Variants in PPP1R21 observed in about 807,000 individuals in gnomAD.
PPP1R21 encodes protein phosphatase 1 regulatory subunit 21.
PPP1R21 carries 85 observed loss-of-function variants against 112.8 expected under a neutral mutation model. The observed-to-expected ratio is 0.75, with a 90% CI of 0.63 to 0.90. The LOEUF is 0.90. Ranked by LOEUF, PPP1R21 falls within the 40% of genes least tolerant of loss-of-function variation. The pLI, the probability that PPP1R21 is intolerant of heterozygous loss-of-function variation, is 0.00. For synonymous variants in PPP1R21, 381 were observed against 322.3 expected, an observed-to-expected ratio of 1.18 and a Z score of -1.95; for missense variants, 1,199 against 901.5, an observed-to-expected ratio of 1.33 and a Z score of -4.23.
chr2:48,511,459 G>A lies in PPP1R21; in HGVS notation c.2304G>A (p.Met768Ile), dbSNP rs764792687. The change falls in exon 21 of 22, where the codon ATG (methionine) becomes ATA (isoleucine). Residue 768 changes from methionine (M) to isoleucine (I), a missense_variant. By Grantham distance (10) the Met-to-Ile change is conservative. Transcript: ENST00000294952. Reference protein sequence around the residue: ...KQREEIDTLKMSSKGNSKKNK... With the variant: ...KQREEIDTLKISSKGNSKKNK... ...GAGAAGAGATTGACACACTAAAGAT[G>A]TCCAGTAAGGTATGTGAGGTGAGGT... The A allele has an allele frequency of 2.5e-5, 40 of 1,613,392 alleles. No individual in the cohort carries two copies. Among genetic ancestry groups the A allele is most frequent in the Middle Eastern group, 1.6e-4 (1 of 6,084 alleles).
At chr2:48,461,271 G>T (rs1553337522) in intron 7 of PPP1R21, 39 bp downstream of exon 7, 1 of 1,493,198 alleles carries the variant, frequency 6.7e-7, no homozygotes, top group Admixed American at 2.7e-5. Flanking sequence ...TTGTAACTTT[G>T]AATCTCTCTG....
At chr2:48,475,436 T>A (rs1486862440) in intron 12 of PPP1R21, among the ~76,000 whole-genome samples, 1 of 152,208 alleles carries the variant, frequency 6.6e-6, no homozygotes, top group Non-Finnish European at 1.5e-5. Flanking sequence ...CCTTCCTTCC[T>A]GTTTTTTGTA....
intron 19 of PPP1R21, among the ~76,000 whole-genome samples, chr2:48,508,555 G>A (rs1172147080): frequency 6.6e-6 from 1 of 152,192 alleles, no homozygotes; most frequent in Admixed American, 6.5e-5. Context: ...GAAAGGGGGA[G>A]GACAGCAAAC....
chr2:48,467,844 A>C (rs139833606), intron 9 of PPP1R21, among the ~76,000 whole-genome samples: 23 of 152,346 alleles, frequency 1.5e-4, no homozygotes, highest in Non-Finnish European at 3.1e-4. Context: ...GCTGACTCTC[A>C]CAGGGTGGAA....
intron 3 of PPP1R21, 97 bp downstream of exon 3, chr2:48,454,838 A>G (rs1667649349): frequency 3.2e-6 from 3 of 944,750 alleles, no homozygotes; most frequent in African/African-American, 3.3e-5. Context: ...CTGCCGAATT[A>G]TTTTTTTCTT....
intron 12 of PPP1R21, among the ~76,000 whole-genome samples, chr2:48,476,727 T>C (rs1668771462): frequency 1.3e-5 from 2 of 152,230 alleles, no homozygotes; most frequent in Admixed American, 1.3e-4. Context: ...AATGTACTTA[T>C]TGGCCATTTG....
At chr2:48,491,532 G>A (rs1669562686) in intron 15 of PPP1R21, among the ~76,000 whole-genome samples, 1 of 69,768 alleles carries the variant, frequency 1.4e-5, no homozygotes, top group Non-Finnish European at 3.0e-5. Context: ...AGAATATGCA[G>A]TTGTTGCAAA....
chr2:48,468,332 C>T (rs1214744815), intron 9 of PPP1R21, among the ~76,000 whole-genome samples: 2 of 152,120 alleles, frequency 1.3e-5, no homozygotes, highest in African/African-American at 4.8e-5. Flanking sequence ...TCATTAGGTG[C>T]TTGGCTTTCA....
Position 48,448,281 on chromosome 2 carries a change from A to AT in PPP1R21, c.58-2719dup, listed in dbSNP as rs1026719442. ...AAATATTTTGCAAAGGAAAATCCTA[A>AT]TTTTTTTTGTTATAATCAGTTATAT... On this transcript the variant is annotated intron_variant, in intron 1 of 21. Coordinates refer to ENST00000294952, the MANE Select transcript of PPP1R21 (RefSeq NM_001135629.3). Among the ~76,000 whole-genome samples the AT allele has an allele frequency of 4.6e-5, 7 of 152,196 alleles. No homozygotes were observed. The East Asian group carries it at 7.7e-4, about 17-fold the overall frequency.
intron 19 of PPP1R21, among the ~76,000 whole-genome samples, chr2:48,507,957 G>T (rs1351953354): frequency 1.3e-5 from 2 of 150,986 alleles, no homozygotes; most frequent in Non-Finnish European, 2.9e-5. Flanking sequence ...TAGAGATGGA[G>T]TTTCACCATG....
intron 14 of PPP1R21, among the ~76,000 whole-genome samples, 172 bp from the exon 15 acceptor site, chr2:48,490,846 C>T (rs1299843320): frequency 6.6e-6 from 1 of 152,118 alleles, no homozygotes; most frequent in Non-Finnish European, 1.5e-5. Context: ...TTATTATAAA[C>T]CATTGCCTAG....
At chr2:48,452,933 A>T (rs573231729) in intron 2 of PPP1R21, among the ~76,000 whole-genome samples, 1 of 150,276 alleles carries the variant, frequency 6.7e-6, no homozygotes, top group South Asian at 2.1e-4. Context: ...ACACTAGCCT[A>T]TGGCTTTTAA....
intron 9 of PPP1R21, among the ~76,000 whole-genome samples, chr2:48,467,874 C>T (rs1478143812): frequency 6.6e-6 from 1 of 152,194 alleles, no homozygotes; most frequent in Non-Finnish European, 1.5e-5. Flanking sequence ...AATTGCTATA[C>T]ATGTGTGCTG....
At chr2:48,505,631 A>AT in intron 18 of PPP1R21, 35 bp downstream of exon 18, 6 of 1,511,664 alleles carry the variant, frequency 4.0e-6, no homozygotes, top group Non-Finnish European at 4.5e-6. Context: ...GTTTGTTAGT[A>AT]AATATCTGGC....
intron 8 of PPP1R21, 77 bp from the exon 9 acceptor site, chr2:48,465,416 C>G (rs560945336): frequency 3.1e-4 from 410 of 1,311,382 alleles, no homozygotes; most frequent in Non-Finnish European, 4.2e-4. Context: ...AATGTTTTCT[C>G]CAGATCAGAC....
At chr2:48,472,319 A>G (rs1037085206) in intron 11 of PPP1R21, among the ~76,000 whole-genome samples, 5 of 151,588 alleles carry the variant, frequency 3.3e-5, no homozygotes, top group African/African-American at 1.2e-4. Flanking sequence ...TTACAGTAAA[A>G]TAAAATTTAG....
intron 6 of PPP1R21, 115 bp from the exon 7 acceptor site, chr2:48,461,023 A>T: frequency 3.5e-6 from 5 of 1,447,510 alleles, no homozygotes; most frequent in Non-Finnish European, 4.5e-6. Flanking sequence ...AGAGTATCCC[A>T]GATGTCAGGT....
intron 9 of PPP1R21, among the ~76,000 whole-genome samples, chr2:48,468,326 T>G (rs909277287): frequency 6.6e-6 from 1 of 152,172 alleles, no homozygotes; most frequent in African/African-American, 2.4e-5. Flanking sequence ...AAGCCATCAT[T>G]AGGTGCTTGG....
intron 8 of PPP1R21, 70 bp from the exon 9 acceptor site, chr2:48,465,422 CA>C: frequency 7.3e-7 from 1 of 1,366,766 alleles, no homozygotes; most frequent in Non-Finnish European, 1.0e-6. Flanking sequence ...TTCTCCAGAT[CA>C]GACTCAATAA....
Sources: allele counts gnomAD v4.1 joint callset (sites outside exome capture counted in the v4.1 genomes callset), GRCh38; gene constraint gnomAD v4.1.1; transcripts MANE v1.5; gene names NCBI Gene and HGNC (gene_info 2026-07-23, HGNC 2026-07-21).